DGKB: variants seen among roughly 807,000 people sequenced by gnomAD.
DGKB encodes the protein diacylglycerol kinase beta.
A neutral mutation model predicts 114.3 loss-of-function variants in DGKB; 67 were observed. That is an observed-to-expected ratio of 0.59 (90% CI 0.48 to 0.72). The LOEUF (loss-of-function observed/expected upper bound fraction) is 0.72. DGKB is among the 30% of genes least tolerant of loss of function. The pLI, the probability that DGKB is intolerant of heterozygous loss-of-function variation, is 0.00. For synonymous variants in DGKB, 398 were observed against 323.1 expected, an observed-to-expected ratio of 1.23 and a Z score of -2.49; for missense variants, 907 against 975.2, an observed-to-expected ratio of 0.93 and a Z score of 0.93.
intron 20 of DGKB, among the ~76,000 whole-genome samples, chr7:14,511,898 G>A (rs1008323055): frequency 4.6e-5 from 7 of 152,172 alleles, no homozygotes; most frequent in Admixed American, 1.3e-4. Context: ...AGCAGTCAGC[G>A]AAGAAGTCAG....
intron 23 of DGKB, among the ~76,000 whole-genome samples, chr7:14,194,179 C>G (rs1395507256): frequency 1.3e-5 from 2 of 152,106 alleles, no homozygotes; most frequent in South Asian, 2.1e-4. Flanking sequence ...AACATGTGAT[C>G]TAGCAATTCC....
upstream of DGKB, chr7:14,903,140 G>A (rs1201815399): frequency 6.6e-6 from 1 of 152,132 alleles, no homozygotes; most frequent in Non-Finnish European, 1.5e-5. Context: ...TGTTGTCCAT[G>A]ACTAACGCTC....
intron 1 of DGKB, among the ~76,000 whole-genome samples, chr7:14,897,781 C>G (rs1270685571): frequency 6.6e-6 from 1 of 151,906 alleles, no homozygotes; most frequent in Non-Finnish European, 1.5e-5. Context: ...CACACTTGCT[C>G]TCAGACATCA....
intron 1 of DGKB, among the ~76,000 whole-genome samples, chr7:14,960,648 G>C (rs1321318062): frequency 6.6e-6 from 1 of 151,998 alleles, no homozygotes; most frequent in African/African-American, 2.4e-5. Context: ...AGAAAATCCA[G>C]TCAAACAGTG....
intron 23 of DGKB, among the ~76,000 whole-genome samples, chr7:14,233,158 C>G (rs1256385630): frequency 1.3e-5 from 2 of 151,852 alleles, no homozygotes; most frequent in African/African-American, 4.8e-5. Context: ...ACAATGCAAG[C>G]CTATGTATAA....
At chr7:14,652,460 A>T (rs1462718428) in intron 13 of DGKB, among the ~76,000 whole-genome samples, 1 of 152,060 alleles carries the variant, frequency 6.6e-6, no homozygotes, top group Non-Finnish European at 1.5e-5. Flanking sequence ...TAGAAAGCTG[A>T]AACTGGATCC....
chr7:14,148,331 C>G lies in DGKB; in HGVS notation c.*800G>C, dbSNP rs1475695106. 6.6e-6 allele frequency: 1 copy of G among 152,560 alleles called. No individual in the cohort carries two copies. The highest frequency in any genetic ancestry group is 2.4e-5 in the African/African-American group (1 of 41,436). 9.5% of individuals were successfully genotyped at this position (152,560 alleles called of 1,614,324 possible). The stretch of plus-strand genomic sequence containing the variant: ...TGTTTTCTGAATCTTTGGTGGGAAA[C>G]ACATTGATTAGGCACATAGTTTAAA... On this transcript the variant is annotated 3_prime_UTR_variant, in exon 26 of 26. Coordinates refer to ENST00000402815, the MANE Select transcript of DGKB (RefSeq NM_001350709.2).
chr7:14,790,126 TC>T (rs1267447027), intron 2 of DGKB, among the ~76,000 whole-genome samples: 1 of 152,264 alleles, frequency 6.6e-6, no homozygotes, highest in Non-Finnish European at 1.5e-5. Context: ...TGGCTCATTT[TC>T]TAATTAGATT....
At chr7:14,509,797 G>C (rs924389360) in intron 20 of DGKB, among the ~76,000 whole-genome samples, 1 of 152,354 alleles carries the variant, frequency 6.6e-6, no homozygotes, top group Non-Finnish European at 1.5e-5. Flanking sequence ...CGGGGTACCT[G>C]CTGGGTGGTG....
At chr7:14,478,556 GTGTAAA>G (rs1456013331) in intron 20 of DGKB, among the ~76,000 whole-genome samples, 1 of 152,102 alleles carries the variant, frequency 6.6e-6, no homozygotes, top group Non-Finnish European at 1.5e-5. Context: ...GCACATATGA[GTGTAAA>G]TGTCAAATAG....
intron 23 of DGKB, among the ~76,000 whole-genome samples, chr7:14,260,064 A>G (rs1796525619): frequency 6.7e-6 from 1 of 149,822 alleles, no homozygotes; most frequent in Non-Finnish European, 1.5e-5. Context: ...AAATTAAAAC[A>G]CATATACATC....
At chr7:14,922,998 C>A (rs1784581837) in intron 1 of DGKB, among the ~76,000 whole-genome samples, 1 of 152,282 alleles carries the variant, frequency 6.6e-6, no homozygotes, top group East Asian at 1.9e-4. Flanking sequence ...ATTAACATCT[C>A]CCCTTTCTCC....
rs181775543 is a variant in DGKB at position 14,489,487 on chromosome 7, T to C, written c.1771-11262A>G. On this transcript the variant is annotated intron_variant, in intron 20 of 25. Transcript: ENST00000402815. ...ATTACATTTATATGTCTCAGGTTGA[T>C]TGGTCATTACAGTATTCATTCAATC... Among the ~76,000 whole-genome samples, 223 of 152,324 alleles carry C rather than the reference T, an allele frequency of 1.5e-3. 1 individual carries two copies. Among genetic ancestry groups the C allele is most frequent in the Non-Finnish European group, 2.5e-3 (172 of 68,032 alleles).
At chr7:14,713,907 A>G (rs990443219) in intron 6 of DGKB, among the ~76,000 whole-genome samples, 7 of 152,142 alleles carry the variant, frequency 4.6e-5, no homozygotes, top group Non-Finnish European at 8.8e-5. Context: ...CACAAATTCA[A>G]AAGTGAATAT....
At chr7:14,743,916 T>C (rs1169582198) in intron 4 of DGKB, among the ~76,000 whole-genome samples, 3 of 152,142 alleles carry the variant, frequency 2.0e-5, no homozygotes, top group African/African-American at 7.2e-5. Context: ...TCTGATAACT[T>C]TGGAGACTCT....
chr7:14,907,876 T>C (rs954532901), upstream of DGKB, among the ~76,000 whole-genome samples: 25 of 152,292 alleles, frequency 1.6e-4, no homozygotes, highest in African/African-American at 6.0e-4. Context: ...AGTCAAACTT[T>C]CTGAGCCACC....
intron 17 of DGKB, among the ~76,000 whole-genome samples, chr7:14,589,731 C>G (rs574382341): frequency 1.3e-5 from 2 of 151,918 alleles, no homozygotes; most frequent in African/African-American, 4.8e-5. Flanking sequence ...TTCTTGAAAT[C>G]CTTTCAGGCA....
At chr7:14,801,362 G>A (rs1357314157) in intron 2 of DGKB, among the ~76,000 whole-genome samples, 2 of 152,122 alleles carry the variant, frequency 1.3e-5, no homozygotes, top group South Asian at 2.1e-4. Context: ...AGCTGACAAG[G>A]AGTGGACATC....
intron 2 of DGKB, among the ~76,000 whole-genome samples, chr7:14,759,233 A>T (rs1835344067): frequency 6.6e-6 from 1 of 152,212 alleles, no homozygotes; most frequent in Admixed American, 6.5e-5. Flanking sequence ...CCTGTGAAAC[A>T]GTACTTTTAA....
Sources: gnomAD v4.1 joint callset for allele counts (sites outside exome capture counted in the v4.1 genomes callset) on GRCh38, gnomAD v4.1.1 for gene constraint, MANE v1.5 for transcripts, NCBI Gene and HGNC (gene_info 2026-07-23, HGNC 2026-07-21) for gene names.